The following SV2B variants were observed in gnomAD, a reference collection of about 807,000 sequenced individuals.
SV2B encodes solute carrier family 22 member B2.
SV2B carries 41 observed loss-of-function variants against 73.9 expected under a neutral mutation model. That is an observed-to-expected ratio of 0.56 (90% CI 0.43 to 0.72). The LOEUF is 0.72. SV2B is among the 30% of genes least tolerant of loss of function. The probability of loss-of-function intolerance (pLI) is 0.00; values close to 1 mark genes in which losing one functional copy is unlikely to be tolerated. For missense variants in SV2B, 764 were observed against 857.8 expected, an observed-to-expected ratio of 0.89 and a Z score of 1.37; for synonymous variants, 314 against 314.2, an observed-to-expected ratio of 1.00 and a Z score of 0.01.
In SV2B at chr15:91,229,086, C is replaced by T. The variant is rs970854187; in HGVS notation, c.451+2372C>T. ...ACCATACTGCCTTTCTCTCACGCCT[C>T]GTTTGTGGGAAGGAGGTCATGCCGT... On this transcript the variant is annotated intron_variant, in intron 2 of 12. Transcript: ENST00000394232. The surrounding 1 kb of genome is among the most constrained non-coding windows in gnomAD (Gnocchi z 4.3). 2.0e-5 allele frequency among the ~76,000 whole-genome samples: 3 copies of T among 152,230 alleles called. No homozygotes were observed. The highest frequency in any genetic ancestry group is 4.4e-5 in the Non-Finnish European group (3 of 68,050).
chr15:91,151,895 T>A (rs1455162999), intron 1 of SV2B, among the ~76,000 whole-genome samples: 1 of 152,168 alleles, frequency 6.6e-6, no homozygotes, highest in Non-Finnish European at 1.5e-5. Flanking sequence ...ATATCAAGGC[T>A]TTTCAGGATG....
intron 1 of SV2B, among the ~76,000 whole-genome samples, chr15:91,133,668 C>G (rs919886788): frequency 2.6e-5 from 4 of 152,160 alleles, no homozygotes; most frequent in Admixed American, 1.3e-4. Context: ...TGTCTGGAGT[C>G]TGCAACTCCA....
chr15:91,228,801 C>G (rs2046466975), intron 2 of SV2B, among the ~76,000 whole-genome samples: 1 of 152,210 alleles, frequency 6.6e-6, no homozygotes, highest in Non-Finnish European at 1.5e-5. Flanking sequence ...TCGTGGGAAC[C>G]TCTTTGTGGT....
intron 9 of SV2B, among the ~76,000 whole-genome samples, chr15:91,276,805 G>A (rs141285114): frequency 0.13 from 11,616 of 91,994 alleles, 946 homozygotes; most frequent in African/African-American, 0.27. Context: ...TATTGTTGTT[G>A]TTATTATTAT....
intron 6 of SV2B, among the ~76,000 whole-genome samples, chr15:91,264,212 C>G (rs57788091): frequency 6.6e-6 from 1 of 152,230 alleles, no homozygotes; most frequent in Non-Finnish European, 1.5e-5. Context: ...CTACACCAAC[C>G]AAACAGGCCC....
rs1043803012 is a variant in SV2B, at chr15:91,252,387, G to A, written c.651G>A (p.Pro217=). 25 of 1,612,206 alleles carry A rather than the reference G, an allele frequency of 1.6e-5. No individual in the cohort carries two copies. Among genetic ancestry groups the A allele is most frequent in the African/African-American group, 4.0e-5 (3 of 74,802 alleles). ...TTTGCAGTATTGGGGGTGCTCTACC[G>A]ATTGTTTTTGCCTATTTTTCTGAAT... ...ISGIGIGGAL[P]IVFAYFSEFL... The change falls in exon 4 of 13, where the codon CCG becomes CCA. Residue 217 remains proline, a synonymous_variant. Transcript: ENST00000394232. The surrounding 1 kb of genome is among the most constrained non-coding windows in gnomAD (Gnocchi z 4.6).
chr15:91,211,910 G>A (rs2141428955), intron 1 of SV2B, among the ~76,000 whole-genome samples: 1 of 151,668 alleles, frequency 6.6e-6, no homozygotes, highest in African/African-American at 2.4e-5. Context: ...CAAAGTGCAG[G>A]GATTATAGGC....
chr15:91,273,620 G>A (rs976140339), intron 9 of SV2B, among the ~76,000 whole-genome samples: 6 of 152,144 alleles, frequency 3.9e-5, no homozygotes, highest in African/African-American at 1.4e-4. Context: ...CCTATCATCT[G>A]CAAGTAACTA....
At chr15:91,172,626 C>G (rs1366177313) in intron 1 of SV2B, among the ~76,000 whole-genome samples, 1 of 152,180 alleles carries the variant, frequency 6.6e-6, no homozygotes, top group African/African-American at 2.4e-5. Flanking sequence ...CCGTCCTCCC[C>G]CAACACATAG....
intron 1 of SV2B, among the ~76,000 whole-genome samples, chr15:91,161,811 A>C (rs2043729138): frequency 6.6e-6 from 1 of 152,190 alleles, no homozygotes; most frequent in South Asian, 2.1e-4. Context: ...GTCTTCCACC[A>C]CCTGAGCCCT....
At chr15:91,113,254 C>T (rs555871486) in intron 1 of SV2B, among the ~76,000 whole-genome samples, 1 of 152,342 alleles carries the variant, frequency 6.6e-6, no homozygotes, top group African/African-American at 2.4e-5. Flanking sequence ...GTGGGCGTGG[C>T]CACGTAACAG....
chr15:91,255,763 T>C (rs997239167), intron 4 of SV2B, among the ~76,000 whole-genome samples: 9 of 152,214 alleles, frequency 5.9e-5, no homozygotes, highest in Admixed American at 3.9e-4. Flanking sequence ...AGGCGTTCAC[T>C]TGGGGGAAAT....
intron 1 of SV2B, among the ~76,000 whole-genome samples, chr15:91,177,018 G>GT (rs1567316546): frequency 6.6e-6 from 1 of 151,508 alleles, no homozygotes. Context: ...GGTTTTTATG[G>GT]TTTTAGGTCT....
intron 1 of SV2B, among the ~76,000 whole-genome samples, chr15:91,177,739 T>C (rs1300705049): frequency 2.4e-5 from 3 of 122,878 alleles, no homozygotes; most frequent in South Asian, 2.4e-4. Flanking sequence ...TGTACATTGA[T>C]TTTGTATCCT....
intron 4 of SV2B, among the ~76,000 whole-genome samples, chr15:91,255,593 C>G (rs891944943): frequency 6.6e-6 from 1 of 152,136 alleles, no homozygotes; most frequent in African/African-American, 2.4e-5. Flanking sequence ...TAACCAAACA[C>G]CACCTGTTCC....
At chr15:91,167,253 A>G (rs2043949421) in intron 1 of SV2B, among the ~76,000 whole-genome samples, 1 of 152,110 alleles carries the variant, frequency 6.6e-6, no homozygotes, top group Non-Finnish European at 1.5e-5. Context: ...TGGCATTGGT[A>G]TCTGCTGTCT....
intron 1 of SV2B, among the ~76,000 whole-genome samples, chr15:91,165,557 G>A (rs2043884457): frequency 6.6e-6 from 1 of 152,150 alleles, no homozygotes; most frequent in Non-Finnish European, 1.5e-5. Context: ...AGCATCTGTG[G>A]ATTTTGGTAT....
intron 9 of SV2B, among the ~76,000 whole-genome samples, chr15:91,272,558 C>G (rs2048349156): frequency 6.6e-6 from 1 of 152,096 alleles, no homozygotes; most frequent in African/African-American, 2.4e-5. Context: ...GAACGTGTAA[C>G]TGCTCACTCA....
intron 1 of SV2B, among the ~76,000 whole-genome samples, chr15:91,213,952 C>T (rs1256762489): frequency 6.6e-6 from 1 of 152,126 alleles, no homozygotes; most frequent in African/African-American, 2.4e-5. Flanking sequence ...ATTGAAAGAA[C>T]CCTGAAAATG....
Sources: allele counts gnomAD v4.1 joint callset (sites outside exome capture counted in the v4.1 genomes callset), GRCh38; gene constraint gnomAD v4.1.1; non-coding constraint Gnocchi (gnomAD v3.1); transcripts MANE v1.5; gene names NCBI Gene and HGNC (gene_info 2026-07-23, HGNC 2026-07-21).